The following INTS2 variants were observed in gnomAD, a reference collection of about 807,000 sequenced individuals.
INTS2 encodes KIAA1287.
A neutral mutation model predicts 139.6 loss-of-function variants in INTS2; 57 were observed. The ratio of observed to expected loss-of-function variants is 0.41; its 90% CI spans 0.33 to 0.51. The LOEUF (loss-of-function observed/expected upper bound fraction) is 0.51, where lower values mean the gene tolerates loss of function less well. Among genes scored for constraint, INTS2 ranks in the 20% least tolerant of loss-of-function variants. The pLI, the probability that INTS2 is intolerant of heterozygous loss-of-function variation, is 0.28. For synonymous variants in INTS2, 473 were observed against 493.4 expected (o/e 0.96, Z 0.55); for missense variants, 1,196 against 1,436.7 (o/e 0.83, Z 2.71).
At chr17:61,927,196 CA>C (rs1378122613) in intron 1 of INTS2, 1 of 170,004 alleles carries the variant, frequency 5.9e-6, no homozygotes, top group Non-Finnish European at 1.3e-5. Context: ...GAAAAACTAG[CA>C]AATCACTGGG....
At position 61,925,097 on chromosome 17, in the gene INTS2, T is replaced by C. The variant is rs758294762; in HGVS notation, c.296A>G (p.His99Arg). The C allele has an allele frequency of 1.7e-5, 28 of 1,613,092 alleles. No homozygotes were observed. In the East Asian group the frequency reaches 5.3e-4, roughly 31 times the overall value. The part of the protein sequence containing the change: ...QDASKEQQLR[H>R]KLGGGSGESI... ...CTCTCCACTGCCTCCTCCAAGTTTA[T>C]GCCTAATGAAGTACAAAACATGTAA... is the stretch of plus-strand genomic sequence containing the variant. Residue 99 changes from histidine to arginine, a missense_variant and splice_region_variant, in exon 3 of 25, where the codon CAT becomes CGT. By Grantham distance (29) the His-to-Arg change is conservative. Transcript: ENST00000251334.
chr17:61,883,273 G>A (rs2079193886), intron 16 of INTS2, among the ~76,000 whole-genome samples: 1 of 151,882 alleles, frequency 6.6e-6, no homozygotes, highest in Non-Finnish European at 1.5e-5. Flanking sequence ...AACACTTTGG[G>A]AGGCTGAGTA....
chr17:61,875,990 G>C lies in INTS2; in HGVS notation c.2457-952C>G, dbSNP rs1182396372. On this transcript the variant is annotated intron_variant, in intron 18 of 24. Transcript: ENST00000251334. This position sits in a 1 kb window ranked among gnomAD's most constrained non-coding sequence, Gnocchi z 4.6. ...TCAAGACTAGCCTGGGCAGCATAGT[G>C]AGACACCATCTCTACAAAAACTAAA... Among the ~76,000 whole-genome samples, 10 of 151,924 alleles carry C rather than the reference G, an allele frequency of 6.6e-5. No individual in the cohort carries two copies.
intron 8 of INTS2, among the ~76,000 whole-genome samples, chr17:61,905,955 C>A (rs141755557): frequency 0.012 from 1,880 of 152,296 alleles, 20 homozygotes; most frequent in Middle Eastern, 0.037. Flanking sequence ...CCTTGGCCCC[C>A]CAAAGTGCTG....
At chr17:61,917,786 C>T (rs1012281619) in intron 5 of INTS2, among the ~76,000 whole-genome samples, 3 of 151,230 alleles carry the variant, frequency 2.0e-5, no homozygotes, top group Non-Finnish European at 4.4e-5. Context: ...AATAAAACTT[C>T]GAATTTTTTT....
intron 9 of INTS2, among the ~76,000 whole-genome samples, chr17:61,900,977 A>C (rs756383852): frequency 3.3e-5 from 5 of 151,740 alleles, no homozygotes; most frequent in Non-Finnish European, 5.9e-5. Context: ...ATATATGTAT[A>C]TGAACAATTA....
At chr17:61,888,865 A>G (rs1024060241) in intron 15 of INTS2, among the ~76,000 whole-genome samples, 22 of 152,086 alleles carry the variant, frequency 1.4e-4, no homozygotes, top group Non-Finnish European at 2.5e-4. Flanking sequence ...TTTACTAAAA[A>G]TACAAAAAAA....
At chr17:61,889,091 CT>C (rs577423232) in intron 15 of INTS2, among the ~76,000 whole-genome samples, 328 of 140,444 alleles carry the variant, frequency 2.3e-3, no homozygotes, top group Admixed American at 4.1e-3. Flanking sequence ...AACTCTTCTA[CT>C]TTTTTTTTTT....
chr17:61,907,666 A>G (rs1301603618), intron 7 of INTS2, 32 bp from the exon 8 acceptor site: 2 of 1,521,412 alleles, frequency 1.3e-6, no homozygotes, highest in Non-Finnish European at 1.8e-6. Flanking sequence ...AAAGGAAGAA[A>G]GCATGAAGCA....
rs2143107598 is a variant in INTS2, at chr17:61,911,503, A to T, written c.954+17T>A. On this transcript the variant is annotated intron_variant, in intron 7 of 24. Coordinates refer to ENST00000251334, the MANE Select transcript of INTS2 (RefSeq NM_001351695.2). ...AAGTATTCTGATCCTTAGCCTATAC[A>T]GATATTTAACCCTCACCTGCTGTCC... The T allele has an allele frequency of 1.2e-6, 2 of 1,611,592 alleles. No homozygotes were observed. Among genetic ancestry groups the T allele is most frequent in the South Asian group, 2.2e-5 (2 of 90,930 alleles).
chr17:61,895,266 A>T, intron 12 of INTS2, 49 bp downstream of exon 12: 1 of 1,081,824 alleles, frequency 9.2e-7, no homozygotes, highest in Non-Finnish European at 1.3e-6. Flanking sequence ...TCTCCCAAAG[A>T]ATATTGTAAA....
Position 61,867,341 on chromosome 17 carries a change from G to A in INTS2, c.*216C>T. The A allele has an allele frequency of 3.0e-6, 1 of 330,954 alleles. No homozygotes were observed. The highest frequency in any genetic ancestry group is 1.3e-4 in the South Asian group (1 of 7,982). 20.5% of individuals were successfully genotyped at this position (330,954 alleles called of 1,614,324 possible). A position where few individuals can be genotyped will look rare whatever the true frequency, so the allele number is the denominator to read the frequency against. Reference sequence around the variant, plus strand: ...AAAAAAAAGCTCAGCTGCTACAATAGAAACATATCAGCAAAGTAGATCCAA... The same window carrying A: ...AAAAAAAAGCTCAGCTGCTACAATAAAAACATATCAGCAAAGTAGATCCAA... On this transcript the variant is annotated 3_prime_UTR_variant, in exon 25 of 25. Transcript: ENST00000251334. This position sits in a 1 kb window ranked among gnomAD's most constrained non-coding sequence, Gnocchi z 5.6.
At position 61,893,695 on chromosome 17, in the gene INTS2, A is replaced by G; in HGVS notation, c.1698+70T>C. Reference sequence around the variant, plus strand: ...GGGTGACTGAGCAAGACTCCATCTCAAAAGAAAAAAAATATATATATAAAA... The same window carrying G: ...GGGTGACTGAGCAAGACTCCATCTCGAAAGAAAAAAAATATATATATAAAA... On this transcript the variant is annotated intron_variant, in intron 13 of 24. Coordinates refer to ENST00000251334, the MANE Select transcript of INTS2 (RefSeq NM_001351695.2). This position sits in a 1 kb window ranked among gnomAD's most constrained non-coding sequence, Gnocchi z 5.4. 8.2e-7 allele frequency: 1 copy of G among 1,225,052 alleles called. No homozygotes were observed. Among genetic ancestry groups the G allele is most frequent in the Non-Finnish European group, 1.1e-6 (1 of 940,578 alleles). The allele number at this position is 1,225,052 out of a possible 1,614,324, so 75.9% of individuals were successfully genotyped here. A position where few individuals can be genotyped will look rare whatever the true frequency, so the allele number is the denominator to read the frequency against.
chr17:61,925,201 AGT>A (rs2079697002), intron 2 of INTS2, 102 bp from the exon 3 acceptor site: 1 of 1,140,394 alleles, frequency 8.8e-7, no homozygotes, highest in African/African-American at 1.5e-5. Context: ...GGATGTATAA[AGT>A]GTTCTAAAAT....
chr17:61,927,903 A>C lies in INTS2; in HGVS notation c.-268T>G. ...AGAACCGGGACTGTAGGAACGGAAA[A>C]GCGGGAGACTTTTTCAACCTGCACC... is the stretch of plus-strand genomic sequence containing the variant. On this transcript the variant is annotated 5_prime_UTR_variant, in exon 1 of 25. Coordinates refer to ENST00000251334, the MANE Select transcript of INTS2 (RefSeq NM_001351695.2). 1 of 1,613,954 alleles carries C rather than the reference A, an allele frequency of 6.2e-7. No individual in the cohort carries two copies. The highest frequency in any genetic ancestry group is 8.5e-7 in the Non-Finnish European group (1 of 1,179,862).
intron 5 of INTS2, among the ~76,000 whole-genome samples, chr17:61,914,580 G>A (rs1375296931): frequency 6.6e-6 from 1 of 151,780 alleles, no homozygotes; most frequent in East Asian, 2.0e-4. Context: ...GCGGGCGCCT[G>A]TAGTCCCAGC....
chr17:61,891,598 G>T lies in INTS2; in HGVS notation c.1790C>A (p.Thr597Asn), dbSNP rs747346615. The T allele has an allele frequency of 6.2e-7, 1 of 1,613,512 alleles. No individual in the cohort carries two copies. The highest frequency in any genetic ancestry group is 8.5e-7 in the Non-Finnish European group (1 of 1,179,506). Residue 597 changes from threonine (T) to asparagine (N), a missense_variant, in exon 14 of 25, where the codon ACT becomes AAT. Thr to Asn is a moderately conservative substitution (Grantham distance 65, BLOSUM62 0). Around this residue, in one of 3 missense-constraint regions of INTS2, gnomAD observed 1,129 missense variants for 1,341.9 expected, o/e 0.84. Transcript: ENST00000251334. ...TTCTGGATTAGATTTCGACGCAGGA[G>T]TAAGTATAGAATTTATGTACACATC... ...LIDVYINSILTPASKSNPEAT... is the reference protein window; with the variant it reads ...LIDVYINSILNPASKSNPEAT...
intron 9 of INTS2, among the ~76,000 whole-genome samples, chr17:61,900,149 A>C (rs1353088960): frequency 6.6e-6 from 1 of 152,242 alleles, no homozygotes; most frequent in East Asian, 1.9e-4. Context: ...AAACGGACTC[A>C]GCAGACCTGA....
rs2079056107 is a variant in INTS2, at chr17:61,867,624, A to G, written c.3524T>C (p.Val1175Ala). The change falls in exon 25 of 25, where the codon GTA becomes GCA. Residue 1175 changes from valine to alanine, a missense_variant. By Grantham distance (64) the Val-to-Ala change is moderately conservative. Around this residue, in one of 3 missense-constraint regions of INTS2, gnomAD observed 1,129 missense variants for 1,341.9 expected, o/e 0.84. Transcript: ENST00000251334. This position sits in a 1 kb window ranked among gnomAD's most constrained non-coding sequence, Gnocchi z 5.6. ...TCTTTCAATACAGTGACAGAGCTGT[A>G]CATCAGGATCCATGCTTCCAGTGTC... The part of the protein sequence containing the change: ...SRDTGSMDPD[V>A]QLCHCIERTV... The G allele has an allele frequency of 1.2e-6, 2 of 1,611,728 alleles. No homozygotes were observed. The highest frequency in any genetic ancestry group is 3.3e-5 in the Admixed American group (2 of 59,962).
Sources: gnomAD v4.1 joint callset for allele counts (sites outside exome capture counted in the v4.1 genomes callset) on GRCh38, gnomAD v4.1.1 for gene constraint, gnomAD v4.1.1 regional missense constraint, Gnocchi (gnomAD v3.1) non-coding constraint, MANE v1.5 for transcripts, NCBI Gene and HGNC (gene_info 2026-07-23, HGNC 2026-07-21) for gene names.